Variants in KSR2 observed in about 807,000 individuals in gnomAD.
The protein encoded by KSR2 is kinase suppressor of ras 2.
A neutral mutation model predicts 107.8 loss-of-function variants in KSR2; 25 were observed. The observed-to-expected ratio is 0.23, with a 90% CI of 0.17 to 0.32. KSR2 has a LOEUF of 0.32. Among genes scored for constraint, KSR2 ranks in the 10% least tolerant of loss-of-function variants. KSR2 has a pLI of 1.00. For missense variants in KSR2, 887 were observed against 1,268.9 expected, an observed-to-expected ratio of 0.70 and a Z score of 4.57; for synonymous variants, 480 against 507.0, an observed-to-expected ratio of 0.95 and a Z score of 0.71.
intron 4 of KSR2, among the ~76,000 whole-genome samples, chr12:117,759,340 G>GTGCTACATGATAGAGTTGAGTAAC (rs1468211141): frequency 1.3e-5 from 2 of 152,144 alleles, no homozygotes; most frequent in African/African-American, 4.8e-5. Context: ...TGCTGGTTTT[G>GTGCTACATGATAGAGTTGAGTAAC]TGCTACATGA....
At chr12:117,700,539 G>C (rs1886260171) in intron 4 of KSR2, among the ~76,000 whole-genome samples, 3 of 152,116 alleles carry the variant, frequency 2.0e-5, no homozygotes, top group Admixed American at 2.0e-4. Flanking sequence ...TATTTTTCCT[G>C]CACAGGACAA....
intron 3 of KSR2, among the ~76,000 whole-genome samples, chr12:117,808,975 A>G (rs1891102877): frequency 6.6e-6 from 1 of 152,106 alleles, no homozygotes; most frequent in South Asian, 2.1e-4. Flanking sequence ...CTGGGTGTCA[A>G]TATCCAGGGC....
chr12:117,548,663 G>A (rs1877065097), intron 9 of KSR2, among the ~76,000 whole-genome samples: 1 of 152,024 alleles, frequency 6.6e-6, no homozygotes, highest in Non-Finnish European at 1.5e-5. Flanking sequence ...ATTTTTCAAG[G>A]GTCAACTGAA....
intron 3 of KSR2, among the ~76,000 whole-genome samples, chr12:117,818,603 T>C (rs1390280934): frequency 6.6e-6 from 1 of 152,210 alleles, no homozygotes; most frequent in East Asian, 1.9e-4. Context: ...GCATGCCACC[T>C]GAGAAGCATG....
At chr12:117,726,918 A>G (rs1887449374) in intron 4 of KSR2, among the ~76,000 whole-genome samples, 1 of 152,196 alleles carries the variant, frequency 6.6e-6, no homozygotes, top group East Asian at 1.9e-4. Flanking sequence ...GAAGCACTCC[A>G]GATGTATAGT....
chr12:117,471,669 G>GA (rs34708020), intron 17 of KSR2, among the ~76,000 whole-genome samples: 6 of 151,786 alleles, frequency 4.0e-5, no homozygotes, highest in African/African-American at 1.2e-4. Context: ...ATATAATATT[G>GA]AAAAAAAGTA....
intron 4 of KSR2, among the ~76,000 whole-genome samples, chr12:117,723,419 G>GTT (rs1459865382): frequency 6.6e-6 from 1 of 151,998 alleles, no homozygotes; most frequent in African/African-American, 2.4e-5. Context: ...CACAACAACC[G>GTT]TAAGAGGTAG....
rs566618897 is a variant in KSR2 at position 117,458,694 on chromosome 12, G to A, written c.*8505C>T. On this transcript the variant is annotated 3_prime_UTR_variant, in exon 20 of 20. Coordinates refer to ENST00000339824, the MANE Select transcript of KSR2 (RefSeq NM_173598.6). ...GACGAGAAGGAAAAGAAGAGGCAGTGGACAAGAAGGTACTCTCAGCCACCG... is the reference window on the plus strand; with the variant it reads ...GACGAGAAGGAAAAGAAGAGGCAGTAGACAAGAAGGTACTCTCAGCCACCG... 1 of 152,278 alleles carries A rather than the reference G, an allele frequency of 6.6e-6. No individual in the cohort carries two copies. The highest frequency in any genetic ancestry group is 2.4e-5 in the African/African-American group (1 of 41,554). The allele number at this position is 152,278 out of a possible 1,614,324, so 9.4% of individuals were successfully genotyped here.
intron 3 of KSR2, among the ~76,000 whole-genome samples, chr12:117,818,277 T>C (rs1692884759): frequency 6.6e-6 from 1 of 151,940 alleles, no homozygotes; most frequent in Non-Finnish European, 1.5e-5. Context: ...CGATCCTTAA[T>C]CCCCTCACCT....
At chr12:117,501,463 T>C (rs1873371781) in intron 14 of KSR2, among the ~76,000 whole-genome samples, 1 of 152,236 alleles carries the variant, frequency 6.6e-6, no homozygotes, top group African/African-American at 2.4e-5. Context: ...ACGTGGATTT[T>C]CCATTCATTC....
At chr12:117,855,948 C>G (rs1893089132) in intron 2 of KSR2, among the ~76,000 whole-genome samples, 2 of 152,164 alleles carry the variant, frequency 1.3e-5, no homozygotes, top group African/African-American at 4.8e-5. Flanking sequence ...GTGCCTCCCA[C>G]TCTGCAGGGA....
intron 3 of KSR2, among the ~76,000 whole-genome samples, chr12:117,787,377 A>G (rs1031598214): frequency 2.6e-5 from 4 of 152,180 alleles, no homozygotes; most frequent in African/African-American, 9.6e-5. Context: ...CCACATCTGT[A>G]ATCCCAGCAT....
intron 3 of KSR2, among the ~76,000 whole-genome samples, chr12:117,811,130 AT>A (rs1891176185): frequency 6.6e-6 from 1 of 152,078 alleles, no homozygotes; most frequent in African/African-American, 2.4e-5. Flanking sequence ...GGCCTGGCAA[AT>A]AGAAAGTTCT....
intron 18 of KSR2, 141 bp from the exon 19 acceptor site, chr12:117,469,936 T>C (rs1306741054): frequency 3.9e-6 from 3 of 766,318 alleles, no homozygotes; most frequent in African/African-American, 1.8e-5. Flanking sequence ...CATCCATCCA[T>C]CCATCCACCC....
At chr12:117,835,828 C>G (rs987334880) in intron 3 of KSR2, among the ~76,000 whole-genome samples, 2 of 151,950 alleles carry the variant, frequency 1.3e-5, no homozygotes, top group Non-Finnish European at 2.9e-5. Context: ...TAGGGGCTAG[C>G]CCTTTTTGTG....
chr12:117,499,765 AT>A (rs895349816), intron 14 of KSR2, among the ~76,000 whole-genome samples: 11 of 150,792 alleles, frequency 7.3e-5, no homozygotes, highest in East Asian at 3.9e-4. Flanking sequence ...TTACTGTTCA[AT>A]TTTTTTTTTC....
At chr12:117,895,921 T>C (rs1566071716) in intron 1 of KSR2, among the ~76,000 whole-genome samples, 1 of 152,134 alleles carries the variant, frequency 6.6e-6, no homozygotes, top group Non-Finnish European at 1.5e-5. Context: ...TAGCTAGGTA[T>C]GGTGGTGGGT....
At chr12:117,722,544 C>T (rs1303353038) in intron 4 of KSR2, among the ~76,000 whole-genome samples, 3 of 152,238 alleles carry the variant, frequency 2.0e-5, no homozygotes, top group Non-Finnish European at 4.4e-5. Flanking sequence ...CTCACTGCTA[C>T]ACTCCCACCA....
At position 117,483,591 on chromosome 12, in the gene KSR2, A is replaced by G. The variant is rs147408632; in HGVS notation, c.2450+825T>C. Among the ~76,000 whole-genome samples, 259 of 152,272 alleles carry G rather than the reference A, an allele frequency of 1.7e-3. 2 individuals are homozygous for G. Among genetic ancestry groups the G allele is most frequent in the African/African-American group, 6.0e-3 (248 of 41,562 alleles). On this transcript the variant is annotated intron_variant, in intron 16 of 19. Transcript: ENST00000339824. ...GAGAAGGAGAGAGAGTGCAGTCCAAATTAAAAGTCACAAGGGTAGACTTTC... is the reference window on the plus strand; with the variant it reads ...GAGAAGGAGAGAGAGTGCAGTCCAAGTTAAAAGTCACAAGGGTAGACTTTC...
Sources: allele counts gnomAD v4.1 joint callset (sites outside exome capture counted in the v4.1 genomes callset), GRCh38; gene constraint gnomAD v4.1.1; transcripts MANE v1.5; gene names NCBI Gene and HGNC (gene_info 2026-07-23, HGNC 2026-07-21).